SELENOS: variants seen among roughly 807,000 people sequenced by gnomAD.
The protein encoded by SELENOS is VCP interacting membrane selenoprotein.
In SELENOS, 37 loss-of-function variants were observed where a neutral mutation model predicts 30.2. The observed-to-expected ratio is 1.23, with a 90% confidence interval of 0.94 to 1.61. SELENOS has a LOEUF of 1.61. Ranked by LOEUF, SELENOS falls within the 40% of genes most tolerant of loss-of-function variation. The pLI is 0.00. For synonymous variants in SELENOS, 119 were observed against 91.6 expected, an observed-to-expected ratio of 1.30 and a Z score of -1.71; for missense variants, 289 against 231.8, an observed-to-expected ratio of 1.25 and a Z score of -1.60.
In SELENOS at chr15:101,276,683, G is replaced by C. The variant is rs1351545001; in HGVS notation, c.77-8C>G. Reference sequence around the variant, plus strand: ...TGGCCAGCAGGGAGCCCACTGAAAAGAAAAACAGTTTTCAAAAAACTAAAA... The same window carrying C: ...TGGCCAGCAGGGAGCCCACTGAAAACAAAAACAGTTTTCAAAAAACTAAAA... On this transcript the variant is annotated splice_polypyrimidine_tract_variant and splice_region_variant and intron_variant, in intron 1 of 5. Coordinates refer to ENST00000526049, the MANE Select transcript of SELENOS (RefSeq NM_018445.6). 19 of 1,595,752 alleles carry C rather than the reference G, an allele frequency of 1.2e-5. No homozygotes were observed. Among genetic ancestry groups the C allele is most frequent in the Middle Eastern group, 1.7e-4 (1 of 5,740 alleles).
chr15:101,274,251 AGTGAGGACCTAG>A (rs1221146584), intron 5 of SELENOS, 157 bp downstream of exon 5: 1 of 729,304 alleles, frequency 1.4e-6, no homozygotes, highest in Non-Finnish European at 2.3e-6. Flanking sequence ...CTAAGTACTT[AGTGAGGACCTAG>A]GAGGTGATTT....
intron 3 of SELENOS, 53 bp downstream of exon 3, chr15:101,275,202 A>G (rs775991069): frequency 2.7e-6 from 4 of 1,465,574 alleles, no homozygotes; most frequent in Non-Finnish European, 3.7e-6. Flanking sequence ...ATCGTTAGCC[A>G]CTAAACCTCA....
chr15:101,275,918 GAAA>G (rs11420308), intron 2 of SELENOS, among the ~76,000 whole-genome samples: 6 of 113,246 alleles, frequency 5.3e-5, no homozygotes, highest in African/African-American at 1.8e-4. Flanking sequence ...CCATCTCATA[GAAA>G]AAAAAAAAAA....
chr15:101,272,910 G>T, intron 5 of SELENOS, 54 bp from the exon 6 acceptor site: 1 of 1,487,602 alleles, frequency 6.7e-7, no homozygotes, highest in Non-Finnish European at 9.2e-7. Context: ...GAAAATCTGG[G>T]AACATTGTAT....
intron 3 of SELENOS, 113 bp downstream of exon 3, chr15:101,275,141 TA>T: frequency 1.2e-6 from 1 of 835,302 alleles, no homozygotes; most frequent in African/African-American, 1.7e-5. Flanking sequence ...TTATTGAATC[TA>T]ATGGGATAGG....
chr15:101,275,192 A>C (rs1440794359), intron 3 of SELENOS, 63 bp downstream of exon 3: 14 of 1,393,782 alleles, frequency 1.0e-5, no homozygotes, highest in Non-Finnish European at 1.4e-5. Flanking sequence ...AGACACAGGC[A>C]TCGTTAGCCA....
Position 101,272,625 on chromosome 15 carries a change from G to A in SELENOS, c.*146C>T. ...CAACATCTATACCTTTTGCTGACTG[G>A]AGCCCTGACATATGCAGGTGTAGTT... On this transcript the variant is annotated 3_prime_UTR_variant, in exon 6 of 6. Transcript: ENST00000526049. 1.3e-6 allele frequency: 1 copy of A among 752,900 alleles called. No homozygotes were observed. Among genetic ancestry groups the A allele is most frequent in the Non-Finnish European group, 2.2e-6 (1 of 454,446 alleles). The allele number at this position is 752,900 out of a possible 1,614,324, so 46.6% of individuals were successfully genotyped here.
downstream of SELENOS, among the ~76,000 whole-genome samples, chr15:101,271,947 C>A (rs746467967): frequency 6.6e-6 from 1 of 152,190 alleles, no homozygotes; most frequent in Non-Finnish European, 1.5e-5. Context: ...TGGACAAGAG[C>A]GTAAAAGATG....
chr15:101,272,691 G>T lies in SELENOS; in HGVS notation c.*80C>A. 1 of 1,441,424 alleles carries T rather than the reference G, an allele frequency of 6.9e-7. No homozygotes were observed. Among genetic ancestry groups the T allele is most frequent in the Non-Finnish European group, 9.5e-7 (1 of 1,047,504 alleles). 89.3% of individuals were successfully genotyped at this position (1,441,424 alleles called of 1,614,324 possible). ...CCCCACCTCCCCTTGGCTAGTCACT[G>T]TGAAAAGCGTGCGTAAGGCAATTGA... On this transcript the variant is annotated 3_prime_UTR_variant, in exon 6 of 6. Coordinates refer to ENST00000526049, the MANE Select transcript of SELENOS (RefSeq NM_018445.6).
At position 101,277,436 on chromosome 15, in the gene SELENOS, C is replaced by CGCCCA. The variant is rs1357396538; in HGVS notation, c.-24_-20dup. 9 of 1,447,648 alleles carry CGCCCA rather than the reference C, an allele frequency of 6.2e-6. No homozygotes were observed. The highest frequency in any genetic ancestry group is 2.8e-5 in the Admixed American group (1 of 35,908). The allele number at this position is 1,447,648 out of a possible 1,614,324, so 89.7% of individuals were successfully genotyped here. Reference sequence around the variant, plus strand: ...GTTCCATGACCGCCGCCGCCGCCGCCGCCCAGCCCTGCCGCCGCGCCTCCA... The same window carrying CGCCCA: ...GTTCCATGACCGCCGCCGCCGCCGCCGCCCAGCCCAGCCCTGCCGCCGCGCCTCCA... On this transcript the variant is annotated 5_prime_UTR_variant, in exon 1 of 6. Coordinates refer to ENST00000526049, the MANE Select transcript of SELENOS (RefSeq NM_018445.6).
At position 101,272,801 on chromosome 15, in the gene SELENOS, G is replaced by A; in HGVS notation, c.540C>T (p.Arg180=). The change falls in exon 6 of 6, where the codon CGC becomes CGT. Residue 180 remains arginine, a synonymous_variant. Transcript: ENST00000526049. ...GGGACSWRPG[R]RGPSSGGUG is the part of the protein sequence containing the mutation. ...CTCATCCGCCAGATGACGGGCCTCT[G>A]CGTCCAGGTCTCCAGGAGCAAGCTC... 1 of 1,610,534 alleles carries A rather than the reference G, an allele frequency of 6.2e-7. No individual in the cohort carries two copies.
At chr15:101,273,252 CTTG>C (rs2039289601) in intron 5 of SELENOS, among the ~76,000 whole-genome samples, 1 of 152,132 alleles carries the variant, frequency 6.6e-6, no homozygotes. Context: ...AAGAGTCAAA[CTTG>C]TCACTTCTAC....
At position 101,277,400 on chromosome 15, in the gene SELENOS, C is replaced by T. The variant is rs1339360655; in HGVS notation, c.18G>A (p.Glu6=). 6 of 1,492,328 alleles carry T rather than the reference C, an allele frequency of 4.0e-6. No homozygotes were observed. The highest frequency in any genetic ancestry group is 5.3e-6 in the Non-Finnish European group (6 of 1,128,708). The allele number at this position is 1,492,328 out of a possible 1,614,324, so 92.4% of individuals were successfully genotyped here. Residue 6 remains glutamate, a synonymous_variant, in exon 1 of 6, where the codon GAG becomes GAA. Transcript: ENST00000526049. ...CCAGGGCCGGCCGCGCGGACAGAGA[C>T]TCCTCTTGGCGTTCCATGACCGCCG... MERQE[E]SLSARPALET...
rs974808420 is a variant in SELENOS, at chr15:101,277,418, GACCGCCGCCGCC to G, written c.-13_-2del. 2.0e-6 allele frequency: 3 copies of G among 1,473,124 alleles called. No individual in the cohort carries two copies. The highest frequency in any genetic ancestry group is 3.0e-5 in the African/African-American group (2 of 67,470). 91.3% of individuals were successfully genotyped at this position (1,473,124 alleles called of 1,614,324 possible). ...ACAGAGACTCCTCTTGGCGTTCCAT[GACCGCCGCCGCC>G]GCCGCCGCCCAGCCCTGCCGCCGCG... is the stretch of plus-strand genomic sequence containing the variant. On this transcript the variant is annotated 5_prime_UTR_variant, in exon 1 of 6. Coordinates refer to ENST00000526049, the MANE Select transcript of SELENOS (RefSeq NM_018445.6).
chr15:101,271,498 T>C (rs1392210446), downstream of SELENOS: 1 of 152,226 alleles, frequency 6.6e-6, no homozygotes, highest in Non-Finnish European at 1.5e-5. Context: ...CTTAAGACTA[T>C]GCCAACCTAT....
chr15:101,274,935 C>A (rs2039307738), intron 3 of SELENOS: 4 of 584,038 alleles, frequency 6.8e-6, no homozygotes, highest in Non-Finnish European at 3.0e-6. Context: ...CTGAAACTCA[C>A]TCCTGTCAGG....
chr15:101,272,770 C>G lies in SELENOS; in HGVS notation c.*1G>C, dbSNP rs2039281995. On this transcript the variant is annotated 3_prime_UTR_variant, in exon 6 of 6. Coordinates refer to ENST00000526049, the MANE Select transcript of SELENOS (RefSeq NM_018445.6). ...TGTCAAAAGTGACACTAACAAGATT[C>G]TTAGCCTCATCCGCCAGATGACGGG... The G allele has an allele frequency of 6.2e-7, 1 of 1,605,560 alleles. No homozygotes were observed. The highest frequency in any genetic ancestry group is 8.5e-7 in the Non-Finnish European group (1 of 1,176,008).
In SELENOS at chr15:101,276,583, C is replaced by T; in HGVS notation, c.169G>A (p.Ala57Thr). 6.2e-7 allele frequency: 1 copy of T among 1,613,820 alleles called. No homozygotes were observed. Among genetic ancestry groups the T allele is most frequent in the Admixed American group, 1.7e-5 (1 of 60,000 alleles). The change falls in exon 2 of 6, where the codon GCC (alanine) becomes ACC (threonine). Residue 57 changes from alanine to threonine, a missense_variant. Ala to Thr is a moderately conservative substitution (Grantham distance 58, BLOSUM62 0). Coordinates refer to ENST00000526049, the MANE Select transcript of SELENOS (RefSeq NM_018445.6). ...CGGTCCAGCTGCCTCTGCCTCAAGG[C>T]TCTTAGCCGGGCGGAAAGCTTCTGA... is the stretch of plus-strand genomic sequence containing the variant. Reference protein sequence around the residue: ...VFQKLSARLRALRQRQLDRAA... With the variant: ...VFQKLSARLRTLRQRQLDRAA...
Position 101,272,685 on chromosome 15 carries a change from G to T in SELENOS, c.*86C>A. 1.4e-6 allele frequency: 2 copies of T among 1,387,248 alleles called. No individual in the cohort carries two copies. Among genetic ancestry groups the T allele is most frequent in the Non-Finnish European group, 2.0e-6 (2 of 999,354 alleles). 85.9% of individuals were successfully genotyped at this position (1,387,248 alleles called of 1,614,324 possible). A position where few individuals can be genotyped will look rare whatever the true frequency, so the allele number is the denominator to read the frequency against. On this transcript the variant is annotated 3_prime_UTR_variant, in exon 6 of 6. Coordinates refer to ENST00000526049, the MANE Select transcript of SELENOS (RefSeq NM_018445.6). ...AATCAACCCCACCTCCCCTTGGCTA[G>T]TCACTGTGAAAAGCGTGCGTAAGGC...
Sources: gnomAD v4.1 joint callset for allele counts (sites outside exome capture counted in the v4.1 genomes callset) on GRCh38, gnomAD v4.1.1 for gene constraint, MANE v1.5 for transcripts, NCBI Gene and HGNC (gene_info 2026-07-23, HGNC 2026-07-21) for gene names.